The following CDR2 variants were observed in gnomAD, a reference collection of about 807,000 sequenced individuals.
The protein encoded by CDR2 is cerebellar degeneration related protein 2, also known as cerebellar degeneration-related protein 2.
Under a neutral mutation model 48.4 loss-of-function variants are expected in CDR2, and 34 were observed. The ratio of observed to expected loss-of-function variants is 0.70; its 90% CI spans 0.53 to 0.94. CDR2 has a LOEUF of 0.94. Among genes scored for constraint, CDR2 ranks in the 40% least tolerant of loss-of-function variants. The pLI is 0.00. For synonymous variants in CDR2, 240 were observed against 219.7 expected (o/e 1.09, Z -0.82); for missense variants, 498 against 549.5 (o/e 0.91, Z 0.94).
chr16:22,363,531 G>A (rs914933544), intron 2 of CDR2, among the ~76,000 whole-genome samples: 15 of 152,222 alleles, frequency 9.9e-5, no homozygotes, highest in African/African-American at 3.4e-4. Context: ...TCTAAGGAAG[G>A]ACTGTGTAAT....
At chr16:22,369,598 G>A (rs1031626141) in intron 1 of CDR2, among the ~76,000 whole-genome samples, 1 of 151,284 alleles carries the variant, frequency 6.6e-6, no homozygotes, top group African/African-American at 2.4e-5. Flanking sequence ...GTTAAGGATA[G>A]AATTTTAACA....
At chr16:22,359,787 G>T (rs1216520700) in intron 2 of CDR2, among the ~76,000 whole-genome samples, 1 of 152,184 alleles carries the variant, frequency 6.6e-6, no homozygotes, top group East Asian at 1.9e-4. Context: ...AAGTTTAGGA[G>T]TTATTAGAAG....
chr16:22,360,739 C>CTTTTT (rs201976962), intron 2 of CDR2, among the ~76,000 whole-genome samples: 8 of 74,142 alleles, frequency 1.1e-4, no homozygotes, highest in Non-Finnish European at 1.7e-4. Flanking sequence ...AAAAAATGAT[C>CTTTTT]TTTTTTTTTT....
Position 22,346,819 on chromosome 16 carries a change from C to G in CDR2, c.*146G>C. The G allele has an allele frequency of 1.2e-6, 1 of 866,892 alleles. No individual in the cohort carries two copies. The highest frequency in any genetic ancestry group is 1.8e-6 in the Non-Finnish European group (1 of 548,248). The allele number at this position is 866,892 out of a possible 1,614,324, so 53.7% of individuals were successfully genotyped here. A position where few individuals can be genotyped will look rare whatever the true frequency, so the allele number is the denominator to read the frequency against. ...ACTGATACCACTAGCCACCTCCTTT[C>G]CTCGTTGTATGCATTTGCTAAATAA... is the stretch of plus-strand genomic sequence containing the variant. On this transcript the variant is annotated 3_prime_UTR_variant, in exon 5 of 5. Coordinates refer to ENST00000268383, the MANE Select transcript of CDR2 (RefSeq NM_001802.2).
chr16:22,363,144 A>C (rs1404491265), intron 2 of CDR2, among the ~76,000 whole-genome samples: 1 of 150,664 alleles, frequency 6.6e-6, no homozygotes, highest in Admixed American at 6.6e-5. Context: ...GTTTCACCAC[A>C]TTGGCCAGAC....
At chr16:22,357,899 T>C (rs1232927636) in intron 2 of CDR2, among the ~76,000 whole-genome samples, 1 of 152,260 alleles carries the variant, frequency 6.6e-6, no homozygotes, top group East Asian at 1.9e-4. Context: ...TGGTTTTAGA[T>C]GACTTGGCTT....
Position 22,374,213 on chromosome 16 carries a change from G to GGGCGCCCCCGCCC in CDR2, c.79+5_79+17dup. 1 of 1,559,924 alleles carries GGGCGCCCCCGCCC rather than the reference G, an allele frequency of 6.4e-7. No individual in the cohort carries two copies. Among genetic ancestry groups the GGGCGCCCCCGCCC allele is most frequent in the East Asian group, 2.5e-5 (1 of 40,792 alleles). Reference sequence around the variant, plus strand: ...CGGGCCAGGCCGCCGCCCGCCCGCGGGGCGCCCCCGCCCTCACCTTGCTGG... The same window carrying GGGCGCCCCCGCCC: ...CGGGCCAGGCCGCCGCCCGCCCGCGGGGCGCCCCCGCCCGGCGCCCCCGCCCTCACCTTGCTGG... On this transcript the variant is annotated intron_variant, in intron 1 of 4. Transcript: ENST00000268383.
rs984141843 is a variant in CDR2, at chr16:22,347,365, T to C, written c.965A>G (p.Asp322Gly). The C allele has an allele frequency of 1.2e-6, 2 of 1,614,106 alleles. No homozygotes were observed. The highest frequency in any genetic ancestry group is 1.7e-6 in the Non-Finnish European group (2 of 1,180,036). The change falls in exon 5 of 5, where the codon GAC (aspartate) becomes GGC (glycine). Residue 322 changes from aspartate to glycine, a missense_variant. By Grantham distance (94) the Asp-to-Gly change is moderately conservative. Transcript: ENST00000268383. The part of the protein sequence containing the change: ...ETILSSLAGS[D>G]IVKGHEETCI... ...GGTCTCCTCGTGGCCCTTCACGATG[T>C]CACTCCCTGCCAAGCTGCTGAGGAT...
chr16:22,370,788 C>T (rs2049070571), intron 1 of CDR2, among the ~76,000 whole-genome samples: 1 of 152,082 alleles, frequency 6.6e-6, no homozygotes, highest in Non-Finnish European at 1.5e-5. Context: ...TAGAAATTTC[C>T]AGCAATTTCA....
chr16:22,354,658 C>T (rs1470190932), intron 2 of CDR2, among the ~76,000 whole-genome samples: 2 of 150,768 alleles, frequency 1.3e-5, no homozygotes, highest in African/African-American at 4.9e-5. Context: ...GAGGCCAAGG[C>T]GGGTGGATCA....
chr16:22,373,520 G>A (rs1486772990), intron 1 of CDR2, among the ~76,000 whole-genome samples: 1 of 152,212 alleles, frequency 6.6e-6, no homozygotes, highest in Non-Finnish European at 1.5e-5. Flanking sequence ...CTTTAGGCAA[G>A]CCACTTTACC....
rs182293260 is a variant in CDR2, at chr16:22,374,127, C to G, written c.79+104G>C. 3.7e-3 allele frequency: 2,642 copies of G among 716,784 alleles called. 130 individuals are homozygous for G. In the Admixed American group the frequency reaches 0.071, roughly 19 times the overall value. 44.4% of individuals were successfully genotyped at this position (716,784 alleles called of 1,614,324 possible). ...CCAGGTGAGCCTGAGCCCTTCCCGG[C>G]ACCTGCATCCTCCGCCGCCACAAAA... On this transcript the variant is annotated intron_variant, in intron 1 of 4. Coordinates refer to ENST00000268383, the MANE Select transcript of CDR2 (RefSeq NM_001802.2).
At chr16:22,370,576 T>G (rs2049069320) in intron 1 of CDR2, among the ~76,000 whole-genome samples, 1 of 152,190 alleles carries the variant, frequency 6.6e-6, no homozygotes. Context: ...TTACCTGCAC[T>G]GAAGGCTCCT....
intron 2 of CDR2, among the ~76,000 whole-genome samples, chr16:22,354,831 T>C (rs962874867): frequency 2.0e-5 from 3 of 152,070 alleles, no homozygotes; most frequent in Admixed American, 6.6e-5. Flanking sequence ...GAGGCAAAGG[T>C]TGCAGTGAGA....
intron 2 of CDR2, among the ~76,000 whole-genome samples, chr16:22,350,921 A>C (rs983365503): frequency 3.3e-5 from 5 of 152,216 alleles, no homozygotes; most frequent in African/African-American, 1.2e-4. Flanking sequence ...GTACATGTGC[A>C]CAATGTGCAG....
intron 2 of CDR2, among the ~76,000 whole-genome samples, chr16:22,359,433 A>C (rs976599454): frequency 4.6e-5 from 7 of 152,172 alleles, no homozygotes; most frequent in South Asian, 2.1e-4. Flanking sequence ...CTCACTACTA[A>C]AATTCTTAAA....
At position 22,374,329 on chromosome 16, in the gene CDR2, G is replaced by A. The variant is rs746430626; in HGVS notation, c.-20C>T. The A allele has an allele frequency of 2.6e-6, 4 of 1,560,076 alleles. No homozygotes were observed. The African/African-American group carries it at 4.2e-5, about 16-fold the overall frequency. ...CAGCATCTCGGCTGGGTCTTCTAGG[G>A]GCAGCGGCCCCCGCCGCCGTCCCGC... is the stretch of plus-strand genomic sequence containing the variant. On this transcript the variant is annotated 5_prime_UTR_variant, in exon 1 of 5. Transcript: ENST00000268383.
At chr16:22,373,493 C>G (rs1198440620) in intron 1 of CDR2, among the ~76,000 whole-genome samples, 1 of 152,224 alleles carries the variant, frequency 6.6e-6, no homozygotes, top group East Asian at 1.9e-4. Context: ...TCAAAAAACA[C>G]TCCCTCCCAC....
intron 2 of CDR2, among the ~76,000 whole-genome samples, chr16:22,356,696 T>C (rs576759684): frequency 6.6e-6 from 1 of 152,106 alleles, no homozygotes; most frequent in Admixed American, 6.5e-5. Context: ...GAGGTTGCAG[T>C]GGGCCGAGAT....
Sources: gnomAD v4.1 joint callset for allele counts (sites outside exome capture counted in the v4.1 genomes callset) on GRCh38, gnomAD v4.1.1 for gene constraint, MANE v1.5 for transcripts, NCBI Gene and HGNC (gene_info 2026-07-23, HGNC 2026-07-21) for gene names.